Variants in GAS2L2 observed in about 807,000 individuals in gnomAD.
GAS2L2 encodes growth arrest specific 2 like 2.
A neutral mutation model predicts 35.2 loss-of-function variants in GAS2L2; 21 were observed. The ratio of observed to expected loss-of-function variants is 0.60; its 90% CI spans 0.42 to 0.86. GAS2L2 has a LOEUF of 0.86. Ranked by LOEUF, GAS2L2 falls within the 40% of genes least tolerant of loss-of-function variation. The pLI, the probability that GAS2L2 is intolerant of heterozygous loss-of-function variation, is 0.00. For missense variants in GAS2L2, 1,169 were observed against 1,144.4 expected, an observed-to-expected ratio of 1.02 and a Z score of -0.31; for synonymous variants, 490 against 473.2, an observed-to-expected ratio of 1.04 and a Z score of -0.46.
chr17:35,745,624 T>C lies in GAS2L2; in HGVS notation c.1873A>G (p.Thr625Ala), dbSNP rs782191746. 27 of 1,613,824 alleles carry C rather than the reference T, an allele frequency of 1.7e-5. No individual in the cohort carries two copies. The highest frequency in any genetic ancestry group is 2.2e-5 in the Non-Finnish European group (26 of 1,180,040). ...LEVRSACPQGTRSGVIPRSGV... is the reference protein window; with the variant it reads ...LEVRSACPQGARSGVIPRSGV... ...CTGCGAGGGATGACCCCAGACCTTG[T>C]GCCCTGCGGACAGGCACTCCTGACT... The change falls in exon 6 of 6, where the codon ACA becomes GCA. Residue 625 changes from threonine to alanine, a missense_variant. By Grantham distance (58) the Thr-to-Ala change is moderately conservative. Transcript: ENST00000604641.
Position 35,745,895 on chromosome 17 carries a change from G to A in GAS2L2, c.1602C>T (p.Asp534=). Residue 534 remains aspartate, a synonymous_variant, in exon 6 of 6, where the codon GAC becomes GAT. Coordinates refer to ENST00000604641, the MANE Select transcript of GAS2L2 (RefSeq NM_139285.4). ...SGSPRTELGR[D]PIPLRAVTVD... is the part of the protein sequence containing the mutation. ...CAGTGACGGCCCTTAGTGGGATGGG[G>A]TCTCTCCCAAGTTCTGTCCTGGGAC... The A allele has an allele frequency of 6.2e-7, 1 of 1,613,340 alleles. No homozygotes were observed. The highest frequency in any genetic ancestry group is 2.2e-5 in the East Asian group (1 of 44,870).
At chr17:35,747,293 G>A (rs1374965603) in intron 4 of GAS2L2, 25 bp from the exon 5 acceptor site, 2 of 1,589,602 alleles carry the variant, frequency 1.3e-6, no homozygotes, top group African/African-American at 2.7e-5. Context: ...CCGGAGAAAG[G>A]AGAGGAGAGA....
chr17:35,744,924 G>A lies in GAS2L2; in HGVS notation c.2573C>T (p.Pro858Leu), dbSNP rs371720995. 3 of 1,613,636 alleles carry A rather than the reference G, an allele frequency of 1.9e-6. No homozygotes were observed. Among genetic ancestry groups the A allele is most frequent in the South Asian group, 2.2e-5 (2 of 90,988 alleles). Reference sequence around the variant, plus strand: ...CCAGTGAGGTTGCAGGCCCTCTGGAGGTTGGGGGCTGCTCTCCAATGGAGC... The same window carrying A: ...CCAGTGAGGTTGCAGGCCCTCTGGAAGTTGGGGGCTGCTCTCCAATGGAGC... ...PAAPLESSPQ[P>L]PEGLQPHWLN... Residue 858 changes from proline to leucine, a missense_variant, in exon 6 of 6, where the codon CCT (proline) becomes CTT (leucine). This residue lies in a region of GAS2L2 where 1,035 missense variants were observed against 976.5 expected (regional missense o/e 1.06). Coordinates refer to ENST00000604641, the MANE Select transcript of GAS2L2 (RefSeq NM_139285.4).
rs145659150 is a variant in GAS2L2 at position 35,749,450 on chromosome 17, A to C, written c.628-233T>G. 6.6e-3 allele frequency among the ~76,000 whole-genome samples: 1,005 copies of C among 152,308 alleles called. 14 individuals carry two copies. Among genetic ancestry groups the C allele is most frequent in the African/African-American group, 0.023 (959 of 41,572 alleles). On this transcript the variant is annotated intron_variant, in intron 2 of 5. Transcript: ENST00000604641. The stretch of plus-strand genomic sequence containing the variant: ...GAGCTGATGGAAGCGGCAGAGTGCC[A>C]CGGGGGGACTGTGGGATCTGACAGG...
Position 35,753,004 on chromosome 17 carries a change from C to A in GAS2L2, c.-154G>T. The A allele has an allele frequency of 2.6e-6, 2 of 782,914 alleles. No homozygotes were observed. The highest frequency in any genetic ancestry group is 4.0e-6 in the Non-Finnish European group (2 of 506,200). 48.5% of individuals were successfully genotyped at this position (782,914 alleles called of 1,614,324 possible). A position where few individuals can be genotyped will look rare whatever the true frequency, so the allele number is the denominator to read the frequency against. ...CGGGACCTCCAGTGCTGCTACTTGC[C>A]ACTGGCTTCAGCTGCCAGGCCTGGC... is the stretch of plus-strand genomic sequence containing the variant. On this transcript the variant is annotated 5_prime_UTR_variant, in exon 1 of 6. Coordinates refer to ENST00000604641, the MANE Select transcript of GAS2L2 (RefSeq NM_139285.4).
intron 1 of GAS2L2, among the ~76,000 whole-genome samples, chr17:35,751,466 G>A (rs1452734101): frequency 1.3e-5 from 2 of 152,014 alleles, no homozygotes; most frequent in Admixed American, 6.6e-5. Context: ...TCAGGAGTTC[G>A]AGACCAGCCT....
Position 35,744,999 on chromosome 17 carries a change from G to A in GAS2L2, c.2498C>T (p.Ala833Val), listed in dbSNP as rs369724181. The change falls in exon 6 of 6, where the codon GCT (alanine) becomes GTT (valine). Residue 833 changes from alanine to valine, a missense_variant. Around this residue, in one of 3 missense-constraint regions of GAS2L2, gnomAD observed 1,035 missense variants for 976.5 expected, o/e 1.06. Transcript: ENST00000604641. ...TTCCTCCTCCTCCTCACCTACTGAA[G>A]CTCCATCCACCCGGGATGCCTCCCC... Reference protein sequence around the residue: ...KGGEASRVDGASVGEEEEEGK... With the variant: ...KGGEASRVDGVSVGEEEEEGK... The A allele has an allele frequency of 5.2e-5, 84 of 1,613,942 alleles. No individual in the cohort carries two copies. The highest frequency in any genetic ancestry group is 6.9e-5 in the Non-Finnish European group (81 of 1,180,036).
Position 35,745,128 on chromosome 17 carries a change from T to C in GAS2L2, c.2369A>G (p.Lys790Arg), listed in dbSNP as rs2085656006. 6.2e-7 allele frequency: 1 copy of C among 1,613,432 alleles called. No homozygotes were observed. The highest frequency in any genetic ancestry group is 8.5e-7 in the Non-Finnish European group (1 of 1,179,618). The change falls in exon 6 of 6, where the codon AAG (lysine) becomes AGG (arginine). Residue 790 changes from lysine to arginine, a missense_variant. Transcript: ENST00000604641. ...TGGCCTGGGGATTCGTGAAGGCTGC[T>C]TCTCAGGCCTGTGGTCTCTCCGGGG... is the stretch of plus-strand genomic sequence containing the variant. ...IRPRRDHRPE[K>R]QPSRIPRPLA...
At position 35,745,981 on chromosome 17, in the gene GAS2L2, G is replaced by C. The variant is rs146429928; in HGVS notation, c.1516C>G (p.Arg506Gly). 3 of 1,597,444 alleles carry C rather than the reference G, an allele frequency of 1.9e-6. No individual in the cohort carries two copies. Among genetic ancestry groups the C allele is most frequent in the Non-Finnish European group, 2.6e-6 (3 of 1,169,892 alleles). The change falls in exon 6 of 6, where the codon CGG becomes GGG. Residue 506 changes from arginine to glycine, a missense_variant. Physicochemically the swap from Arg to Gly is moderately radical, Grantham distance 125. Around this residue, in one of 3 missense-constraint regions of GAS2L2, gnomAD observed 1,035 missense variants for 976.5 expected, o/e 1.06. Coordinates refer to ENST00000604641, the MANE Select transcript of GAS2L2 (RefSeq NM_139285.4). ...GTTGGGGGGCGAGCAGGGGGCAGCC[G>C]GATGGGGATCTTGGTTAGGCCTTGG... Reference protein sequence around the residue: ...PVQGLTKIPIRLPPARPPTPG... With the variant: ...PVQGLTKIPIGLPPARPPTPG...
At chr17:35,749,824 G>A (rs1470333395) in intron 2 of GAS2L2, among the ~76,000 whole-genome samples, 1 of 152,204 alleles carries the variant, frequency 6.6e-6, no homozygotes, top group East Asian at 1.9e-4. Context: ...CCCAGCAGGG[G>A]TTAAATGAGA....
Position 35,745,298 on chromosome 17 carries a change from A to G in GAS2L2, c.2199T>C (p.Ser733=), listed in dbSNP as rs782672997. Residue 733 remains serine (S), a synonymous_variant, in exon 6 of 6, where the codon TCT becomes TCC. Transcript: ENST00000604641. ...AAGGTGTGGGGGCCTCCGGGCTGGC[A>G]GACACAGTAGAAGCCGAGCAGTCCT... The part of the protein sequence containing the change: ...GGQDCSASTV[S]ASPEAPTPSP... The G allele has an allele frequency of 1.4e-5, 23 of 1,611,970 alleles. No homozygotes were observed. In the Admixed American group the frequency reaches 3.8e-4, roughly 27 times the overall value.
At position 35,745,085 on chromosome 17, in the gene GAS2L2, C is replaced by T. The variant is rs1568098705; in HGVS notation, c.2412G>A (p.Leu804=). ...CCTTGGGGGGCTGCCTGGCTGGACC[C>T]AGGAAGACATAGGCCAGTGGCCTGG... The part of the protein sequence containing the change: ...RIPRPLAYVF[L]GPARQPPKDR... The change falls in exon 6 of 6, where the codon CTG becomes CTA. Residue 804 remains leucine (L), a synonymous_variant. Coordinates refer to ENST00000604641, the MANE Select transcript of GAS2L2 (RefSeq NM_139285.4). 1 of 1,613,804 alleles carries T rather than the reference C, an allele frequency of 6.2e-7. No homozygotes were observed. The highest frequency in any genetic ancestry group is 8.5e-7 in the Non-Finnish European group (1 of 1,179,894).
Position 35,747,985 on chromosome 17 carries a change from C to T in GAS2L2, c.736-40G>A, listed in dbSNP as rs782059575. 6 of 1,524,616 alleles carry T rather than the reference C, an allele frequency of 3.9e-6. No individual in the cohort carries two copies. In the Middle Eastern group the frequency reaches 6.1e-4, roughly 155 times the overall value. 94.4% of individuals were successfully genotyped at this position (1,524,616 alleles called of 1,614,324 possible). ...GTGAGGTTAAGGGCGGGGTGGAGGG[C>T]AGCCCCTCTTCCTGGACCAGCTCGC... On this transcript the variant is annotated intron_variant, in intron 3 of 5. Coordinates refer to ENST00000604641, the MANE Select transcript of GAS2L2 (RefSeq NM_139285.4).
In GAS2L2 at chr17:35,750,283, G is replaced by C; in HGVS notation, c.421C>G (p.Arg141Gly). 6.2e-7 allele frequency: 1 copy of C among 1,613,896 alleles called. No homozygotes were observed. The highest frequency in any genetic ancestry group is 8.5e-7 in the Non-Finnish European group (1 of 1,179,948). Reference sequence around the variant, plus strand: ...AGCACCACGTTCTTCACGTTCTTGCGCAGCACCAAGTCCTCCGTCTCGAAC... The same window carrying C: ...AGCACCACGTTCTTCACGTTCTTGCCCAGCACCAAGTCCTCCGTCTCGAAC... Reference protein sequence around the residue: ...LMFETEDLVLRKNVKNVVLCL... With the variant: ...LMFETEDLVLGKNVKNVVLCL... The change falls in exon 2 of 6, where the codon CGC becomes GGC. Residue 141 changes from arginine to glycine, a missense_variant. Arg to Gly is a moderately radical substitution (Grantham distance 125). This residue lies in a region of GAS2L2 where 1,035 missense variants were observed against 976.5 expected (regional missense o/e 1.06). Coordinates refer to ENST00000604641, the MANE Select transcript of GAS2L2 (RefSeq NM_139285.4).
Position 35,752,750 on chromosome 17 carries a change from A to G in GAS2L2, c.101T>C (p.Met34Thr), listed in dbSNP as rs1555599957. Residue 34 changes from methionine to threonine, a missense_variant, in exon 1 of 6, where the codon ATG becomes ACG. This residue lies in a region of GAS2L2 where 127 missense variants were observed against 146.1 expected (regional missense o/e 0.87). Transcript: ENST00000604641. ...AAGCCACTCAGCCAGGTCTTCCTTCATGGCCTCCAGGTACTGCTCACTCGA... is the reference window on the plus strand; with the variant it reads ...AAGCCACTCAGCCAGGTCTTCCTTCGTGGCCTCCAGGTACTGCTCACTCGA... ...FKSSEQYLEA[M>T]KEDLAEWLRD... 6.2e-7 allele frequency: 1 copy of G among 1,613,898 alleles called. No individual in the cohort carries two copies. The highest frequency in any genetic ancestry group is 1.3e-5 in the African/African-American group (1 of 75,028).
At chr17:35,748,758 C>T (rs2085685032) in intron 3 of GAS2L2, among the ~76,000 whole-genome samples, 1 of 152,320 alleles carries the variant, frequency 6.6e-6, no homozygotes, top group East Asian at 1.9e-4. Flanking sequence ...GATCACCCTT[C>T]TCCATACCCC....
Position 35,745,800 on chromosome 17 carries a change from A to T in GAS2L2, c.1697T>A (p.Ile566Asn). ...EVRQEDQQLD[I>N]QVMAEARESW... Reference sequence around the variant, plus strand: ...CTCTCTGGCCTCTGCCATGACCTGGATGTCCAGCTGCTGGTCCTCCTGCCT... The same window carrying T: ...CTCTCTGGCCTCTGCCATGACCTGGTTGTCCAGCTGCTGGTCCTCCTGCCT... Residue 566 changes from isoleucine (I) to asparagine (N), a missense_variant, in exon 6 of 6, where the codon ATC becomes AAC. This residue lies in a region of GAS2L2 where 1,035 missense variants were observed against 976.5 expected (regional missense o/e 1.06). Transcript: ENST00000604641. 6.2e-7 allele frequency: 1 copy of T among 1,613,770 alleles called. No individual in the cohort carries two copies. Among genetic ancestry groups the T allele is most frequent in the Non-Finnish European group, 8.5e-7 (1 of 1,180,024 alleles).
intron 1 of GAS2L2, among the ~76,000 whole-genome samples, chr17:35,750,536 GC>G (rs1408658706): frequency 6.6e-6 from 1 of 152,184 alleles, no homozygotes; most frequent in Non-Finnish European, 1.5e-5. Flanking sequence ...CAGACACGCG[GC>G]CCATCTCACA....
At chr17:35,746,754 C>A (rs1464282370) in intron 5 of GAS2L2, among the ~76,000 whole-genome samples, 1 of 152,182 alleles carries the variant, frequency 6.6e-6, no homozygotes, top group African/African-American at 2.4e-5. Context: ...CTGTCTTAGT[C>A]TCTGCTCTAC....
Sources: gnomAD v4.1 joint callset for allele counts (sites outside exome capture counted in the v4.1 genomes callset) on GRCh38, gnomAD v4.1.1 for gene constraint, gnomAD v4.1.1 regional missense constraint, MANE v1.5 for transcripts, NCBI Gene and HGNC (gene_info 2026-07-23, HGNC 2026-07-21) for gene names.